The following DCC variants were observed in gnomAD, a reference collection of about 807,000 sequenced individuals.
The protein encoded by DCC is netrin receptor DCC.
In DCC, 58 loss-of-function variants were observed where a neutral mutation model predicts 172.5. The ratio of observed to expected loss-of-function variants is 0.34; its 90% CI spans 0.27 to 0.42. The LOEUF (loss-of-function observed/expected upper bound fraction) is 0.42, where lower values mean the gene tolerates loss of function less well. DCC is among the 10% of genes least tolerant of loss of function. The probability of loss-of-function intolerance (pLI) is 1.00; values close to 1 mark genes in which losing one functional copy is unlikely to be tolerated. For synonymous variants in DCC, 709 were observed against 644.5 expected (o/e 1.10, Z -1.52); for missense variants, 1,740 against 1,791.0 (o/e 0.97, Z 0.51).
In DCC at chr18:52,773,595, C is replaced by T. The variant is rs544358067; in HGVS notation, c.412+21221C>T. Among the ~76,000 whole-genome samples the T allele has an allele frequency of 2.7e-4, 41 of 152,204 alleles. 1 individual carries two copies. Among genetic ancestry groups the T allele is most frequent in the African/African-American group, 8.2e-4 (34 of 41,534 alleles). On this transcript the variant is annotated intron_variant, in intron 2 of 28. Transcript: ENST00000442544. ...AGGCTGGAGTACAGTGGTGCGATCT[C>T]GGCTCACTGCAACCTCTCCCTCCTG...
At chr18:53,511,151 G>T (rs1164921147) in intron 27 of DCC, among the ~76,000 whole-genome samples, 2 of 152,212 alleles carry the variant, frequency 1.3e-5, no homozygotes, top group Admixed American at 6.5e-5. Context: ...TTATGTACCT[G>T]TAGGTGGGAC....
intron 1 of DCC, among the ~76,000 whole-genome samples, chr18:52,469,835 G>A (rs1237803587): frequency 6.6e-6 from 1 of 152,168 alleles, no homozygotes; most frequent in Non-Finnish European, 1.5e-5. Context: ...CAGTCCTCTA[G>A]CAAATCCCCT....
chr18:52,681,134 T>C (rs1238817110), intron 1 of DCC, among the ~76,000 whole-genome samples: 1 of 152,070 alleles, frequency 6.6e-6, no homozygotes, highest in Non-Finnish European at 1.5e-5. Context: ...TGATATGCTG[T>C]TAGTCCCATT....
chr18:52,424,664 A>C (rs1281826590), intron 1 of DCC, among the ~76,000 whole-genome samples: 1 of 152,056 alleles, frequency 6.6e-6, no homozygotes, highest in Non-Finnish European at 1.5e-5. Flanking sequence ...GATCCTAATT[A>C]AGAAAGTGCC....
At chr18:53,476,024 T>C (rs1196564083) in intron 25 of DCC, among the ~76,000 whole-genome samples, 1 of 152,236 alleles carries the variant, frequency 6.6e-6, no homozygotes, top group African/African-American at 2.4e-5. Context: ...AAGATTTGAC[T>C]GCCCTACTGA....
chr18:52,761,905 TC>T (rs1293183574), intron 2 of DCC, among the ~76,000 whole-genome samples: 6 of 102,888 alleles, frequency 5.8e-5, no homozygotes, highest in Non-Finnish European at 8.3e-5. Flanking sequence ...TGAGACTCTG[TC>T]TCAAAAAAAA....
At chr18:53,250,678 A>G (rs1204957365) in intron 12 of DCC, among the ~76,000 whole-genome samples, 1 of 151,444 alleles carries the variant, frequency 6.6e-6, no homozygotes, top group Non-Finnish European at 1.5e-5. Context: ...CCTCTCTTAT[A>G]TCTTTAACTG....
At chr18:52,747,308 A>G (rs2036921828) in intron 1 of DCC, among the ~76,000 whole-genome samples, 1 of 152,190 alleles carries the variant, frequency 6.6e-6, no homozygotes. Flanking sequence ...TTATGAAGCA[A>G]GGCTTGGAAA....
At chr18:53,167,964 C>T (rs140752691) in intron 8 of DCC, among the ~76,000 whole-genome samples, 1 of 152,134 alleles carries the variant, frequency 6.6e-6, no homozygotes, top group South Asian at 2.1e-4. Context: ...ACTCCAGGCT[C>T]ATCATCACTG....
chr18:53,437,707 C>T (rs1371271705), intron 22 of DCC, among the ~76,000 whole-genome samples: 1 of 152,076 alleles, frequency 6.6e-6, no homozygotes, highest in African/African-American at 2.4e-5. Context: ...TTCCCTCCTC[C>T]CAACTTTGCA....
At chr18:53,315,783 C>T (rs2057336624) in intron 13 of DCC, among the ~76,000 whole-genome samples, 1 of 151,742 alleles carries the variant, frequency 6.6e-6, no homozygotes. Context: ...ATTGTCTGTT[C>T]ATATCCATTG....
At chr18:52,725,130 C>G (rs1380945709) in intron 1 of DCC, among the ~76,000 whole-genome samples, 2 of 152,136 alleles carry the variant, frequency 1.3e-5, no homozygotes, top group African/African-American at 4.8e-5. Flanking sequence ...AATACCTGCC[C>G]ACAGAGGGCC....
intron 1 of DCC, among the ~76,000 whole-genome samples, chr18:52,438,634 A>T (rs1009734940): frequency 6.6e-6 from 1 of 152,348 alleles, no homozygotes; most frequent in African/African-American, 2.4e-5. Context: ...CCAATTCTTT[A>T]TATAGCTTGA....
chr18:52,446,201 G>A (rs957154357), intron 1 of DCC, among the ~76,000 whole-genome samples: 5 of 152,144 alleles, frequency 3.3e-5, no homozygotes, highest in East Asian at 1.9e-4. Context: ...GATTACAAGC[G>A]TAAGCCACCG....
chr18:52,805,057 C>T (rs750068620), intron 2 of DCC, among the ~76,000 whole-genome samples: 8 of 152,112 alleles, frequency 5.3e-5, no homozygotes, highest in Non-Finnish European at 1.2e-4. Flanking sequence ...TCTCTGTGAG[C>T]CTTTGCTTCT....
intron 1 of DCC, among the ~76,000 whole-genome samples, chr18:52,709,735 A>G (rs2036264651): frequency 2.0e-5 from 3 of 152,364 alleles, no homozygotes; most frequent in Middle Eastern, 3.4e-3. Context: ...CAAAATTACT[A>G]TAAAATGAAT....
At chr18:53,511,718 G>C (rs1286860728) in intron 27 of DCC, among the ~76,000 whole-genome samples, 2 of 152,180 alleles carry the variant, frequency 1.3e-5, no homozygotes, top group Non-Finnish European at 2.9e-5. Context: ...CTGGAAAATC[G>C]GGTCACTCCC....
chr18:52,776,101 T>A (rs1015663001), intron 2 of DCC, among the ~76,000 whole-genome samples: 4 of 152,158 alleles, frequency 2.6e-5, no homozygotes, highest in Non-Finnish European at 5.9e-5. Context: ...AATATAAATT[T>A]ACAACAGTAT....
chr18:53,162,557 T>G (rs1268692240), intron 8 of DCC, among the ~76,000 whole-genome samples: 1 of 152,182 alleles, frequency 6.6e-6, no homozygotes, highest in Non-Finnish European at 1.5e-5. Flanking sequence ...ATGTTACTTC[T>G]CTAACCTCAT....
Sources: gnomAD v4.1 joint callset for allele counts (sites outside exome capture counted in the v4.1 genomes callset) on GRCh38, gnomAD v4.1.1 for gene constraint, MANE v1.5 for transcripts, NCBI Gene and HGNC (gene_info 2026-07-23, HGNC 2026-07-21) for gene names.